The following HIVEP2 variants were observed in gnomAD, a reference collection of about 807,000 sequenced individuals.
The protein encoded by HIVEP2 is HIVEP zinc finger 2, also known as transcription factor HIVEP2.
A neutral mutation model predicts 180.7 loss-of-function variants in HIVEP2; 14 were observed. That is an observed-to-expected ratio of 0.08 (90% CI 0.05 to 0.12). The LOEUF (loss-of-function observed/expected upper bound fraction) is 0.12, where lower values mean the gene tolerates loss of function less well. Among genes scored for constraint, HIVEP2 ranks in the 10% least tolerant of loss-of-function variants. The probability of loss-of-function intolerance (pLI) is 1.00; values close to 1 mark genes in which losing one functional copy is unlikely to be tolerated. For missense variants in HIVEP2, 2,579 were observed against 3,008.5 expected, an observed-to-expected ratio of 0.86 and a Z score of 3.34; for synonymous variants, 1,184 against 1,136.4, an observed-to-expected ratio of 1.04 and a Z score of -0.84.
chr6:142,888,236 C>T (rs538528944), intron 1 of HIVEP2, among the ~76,000 whole-genome samples: 24 of 152,124 alleles, frequency 1.6e-4, no homozygotes, highest in Admixed American at 3.3e-4. Context: ...CTTTTTGAGA[C>T]GCTCACTGTG....
intron 3 of HIVEP2, chr6:142,779,459 A>C (rs1439397594): frequency 6.6e-6 from 1 of 152,296 alleles, no homozygotes; most frequent in Non-Finnish European, 1.5e-5. Context: ...GTCTCTACAA[A>C]AAATACAAAA....
chr6:142,816,873 G>GGTGT (rs34958624), intron 2 of HIVEP2, among the ~76,000 whole-genome samples: 3,788 of 148,550 alleles, frequency 0.025, 170 homozygotes, highest in African/African-American at 0.086. Context: ...AGCACCAGAG[G>GGTGT]GTGTGTGTGT....
chr6:142,789,985 T>G (rs1373838703), intron 2 of HIVEP2, among the ~76,000 whole-genome samples: 3 of 152,206 alleles, frequency 2.0e-5, no homozygotes, highest in African/African-American at 7.2e-5. Flanking sequence ...CCATAAGCAG[T>G]GCATTATTTA....
chr6:142,785,309 CAAAAAAAAAAAAAAAAAAA>C (rs57458259), intron 2 of HIVEP2, among the ~76,000 whole-genome samples: 32 of 65,396 alleles, frequency 4.9e-4, no homozygotes, highest in South Asian at 2.6e-3. Context: ...TGGCATTCCT[CAAAAAAAAAAAAAAAAAAA>C]AAAAAAAAAA....
chr6:142,903,608 T>C (rs915181801), intron 1 of HIVEP2, among the ~76,000 whole-genome samples: 1 of 152,208 alleles, frequency 6.6e-6, no homozygotes, highest in Admixed American at 6.5e-5. Flanking sequence ...GTACCATATA[T>C]GCATATATAC....
At chr6:142,894,261 T>A (rs912053601) in intron 1 of HIVEP2, among the ~76,000 whole-genome samples, 2 of 152,230 alleles carry the variant, frequency 1.3e-5, no homozygotes, top group Non-Finnish European at 2.9e-5. Flanking sequence ...GGACGATATA[T>A]TATTAGCCTC....
At chr6:142,923,343 AT>A (rs1226208246) in intron 1 of HIVEP2, among the ~76,000 whole-genome samples, 1 of 152,150 alleles carries the variant, frequency 6.6e-6, no homozygotes, top group Non-Finnish European at 1.5e-5. Flanking sequence ...AAAAAAAAAA[AT>A]CATAGTTAAA....
At chr6:142,786,815 T>A (rs1231988775) in intron 2 of HIVEP2, among the ~76,000 whole-genome samples, 1 of 152,222 alleles carries the variant, frequency 6.6e-6, no homozygotes, top group Non-Finnish European at 1.5e-5. Context: ...GACTCTTACA[T>A]GAATCTAGCA....
chr6:142,824,000 T>C (rs1043071934), intron 2 of HIVEP2, among the ~76,000 whole-genome samples: 3 of 152,214 alleles, frequency 2.0e-5, no homozygotes, highest in African/African-American at 7.2e-5. Flanking sequence ...TTTTTTTAAA[T>C]AGCTTAATTT....
chr6:142,913,269 G>A (rs569444493), intron 1 of HIVEP2, among the ~76,000 whole-genome samples: 51 of 152,302 alleles, frequency 3.3e-4, no homozygotes, highest in Non-Finnish European at 6.9e-4. Flanking sequence ...TCACTCTGAC[G>A]ACTTCTGAAA....
At chr6:142,836,823 C>G (rs942742653) in intron 2 of HIVEP2, 112 bp downstream of exon 2, 6 of 152,118 alleles carry the variant, frequency 3.9e-5, no homozygotes, top group African/African-American at 1.4e-4. Context: ...TTTCAAGAGC[C>G]TCAAATAATT....
intron 6 of HIVEP2, among the ~76,000 whole-genome samples, chr6:142,767,774 T>G (rs1387182354): frequency 6.6e-6 from 1 of 152,200 alleles, no homozygotes; most frequent in Non-Finnish European, 1.5e-5. Flanking sequence ...TTTCTATGAC[T>G]CAGGACTCAA....
chr6:142,812,805 G>A (rs1582881736), intron 2 of HIVEP2, among the ~76,000 whole-genome samples: 1 of 152,052 alleles, frequency 6.6e-6, no homozygotes, highest in East Asian at 1.9e-4. Context: ...CCCTAGAGAG[G>A]AAAAGTTCAA....
intron 9 of HIVEP2, among the ~76,000 whole-genome samples, chr6:142,757,028 G>A (rs1461513977): frequency 6.6e-5 from 10 of 152,138 alleles, no homozygotes; most frequent in Non-Finnish European, 1.5e-5. Context: ...GTGTATATGT[G>A]TGCATACATA....
chr6:142,921,464 G>C (rs1777681670), intron 1 of HIVEP2, among the ~76,000 whole-genome samples: 1 of 152,228 alleles, frequency 6.6e-6, no homozygotes, highest in South Asian at 2.1e-4. Flanking sequence ...GAACCCAGGA[G>C]GCAGAGGTTG....
intron 1 of HIVEP2, among the ~76,000 whole-genome samples, chr6:142,866,989 T>C (rs1041226348): frequency 2.8e-4 from 43 of 152,072 alleles, no homozygotes; most frequent in African/African-American, 1.0e-3. Context: ...TGACAAAGGG[T>C]AAGGATCCAG....
chr6:142,829,553 C>T (rs887830738), intron 2 of HIVEP2, among the ~76,000 whole-genome samples: 1 of 152,200 alleles, frequency 6.6e-6, no homozygotes, highest in Non-Finnish European at 1.5e-5. Context: ...CAGGTATGTA[C>T]TAGTCCGATT....
intron 2 of HIVEP2, among the ~76,000 whole-genome samples, chr6:142,809,211 T>G (rs540657362): frequency 9.2e-5 from 14 of 151,900 alleles, no homozygotes; most frequent in Non-Finnish European, 1.8e-4. Flanking sequence ...AAAAGTCAGG[T>G]CTCTAATCTG....
At chr6:142,808,640 G>T (rs1342212031) in intron 2 of HIVEP2, among the ~76,000 whole-genome samples, 1 of 151,034 alleles carries the variant, frequency 6.6e-6, no homozygotes, top group Non-Finnish European at 1.5e-5. Context: ...AGGGATAGAG[G>T]GATGGAGAGA....
Sources: allele counts gnomAD v4.1 joint callset (sites outside exome capture counted in the v4.1 genomes callset), GRCh38; gene constraint gnomAD v4.1.1; transcripts MANE v1.5; gene names NCBI Gene and HGNC (gene_info 2026-07-23, HGNC 2026-07-21).